Variants in PPFIA2 observed in about 807,000 individuals in gnomAD.
The protein encoded by PPFIA2 is liprin-alpha-2.
In PPFIA2, 46 loss-of-function variants were observed where a neutral mutation model predicts 175.5. The ratio of observed to expected loss-of-function variants is 0.26; its 90% CI spans 0.21 to 0.34. PPFIA2 has a LOEUF of 0.34. PPFIA2 is among the 10% of genes least tolerant of loss of function. The pLI, the probability that PPFIA2 is intolerant of heterozygous loss-of-function variation, is 1.00. For synonymous variants in PPFIA2, 568 were observed against 511.4 expected (o/e 1.11, Z -1.49); for missense variants, 1,179 against 1,506.1 (o/e 0.78, Z 3.60).
intron 4 of PPFIA2, among the ~76,000 whole-genome samples, chr12:81,514,572 G>A (rs925366443): frequency 6.6e-6 from 1 of 151,794 alleles, no homozygotes; most frequent in African/African-American, 2.4e-5. Context: ...GTCTTATACT[G>A]TATCCACATG....
At chr12:81,476,522 A>G (rs1402767240) in intron 4 of PPFIA2, among the ~76,000 whole-genome samples, 1 of 152,238 alleles carries the variant, frequency 6.6e-6, no homozygotes, top group Non-Finnish European at 1.5e-5. Flanking sequence ...GAAAAATACA[A>G]TAAATCTATA....
intron 4 of PPFIA2, among the ~76,000 whole-genome samples, chr12:81,620,965 G>A (rs1415863323): frequency 6.6e-6 from 1 of 152,156 alleles, no homozygotes. Context: ...AAAGCTATAT[G>A]AATTGGTGTG....
rs3075480 is a variant in PPFIA2 at position 81,688,802 on chromosome 12, A to AATATATATATATATATAT, written c.250-11976_250-11959dup. On this transcript the variant is annotated intron_variant, in intron 3 of 32. Coordinates refer to ENST00000549396, the MANE Select transcript of PPFIA2 (RefSeq NM_003625.5). ...CAAAAACAGGGCAAGTGGTTTATTAAATATATATATATATATATATATCTG... is the reference window on the plus strand; with the variant it reads ...CAAAAACAGGGCAAGTGGTTTATTAAATATATATATATATATATATATATATATATATATATATATCTG... Among the ~76,000 whole-genome samples, 977 of 140,602 alleles carry AATATATATATATATATAT rather than the reference A, an allele frequency of 6.9e-3. 7 individuals carry two copies. Among genetic ancestry groups the AATATATATATATATATAT allele is most frequent in the Middle Eastern group, 0.011 (3 of 272 alleles). The allele number at this position is 140,602 out of a possible 152,430, so 92.2% of individuals were successfully genotyped here.
At chr12:81,542,211 G>A (rs1254984928) in intron 4 of PPFIA2, among the ~76,000 whole-genome samples, 4 of 151,990 alleles carry the variant, frequency 2.6e-5, no homozygotes, top group African/African-American at 4.8e-5. Flanking sequence ...CAGATGAGCA[G>A]GCAATGAGAC....
chr12:81,312,093 T>C (rs1006819992), intron 22 of PPFIA2: 1 of 1,489,448 alleles, frequency 6.7e-7, no homozygotes, highest in African/African-American at 1.4e-5. Flanking sequence ...AGTAATACTC[T>C]GAAAAAAGAA....
chr12:81,311,194 G>T (rs2050684368), intron 22 of PPFIA2, among the ~76,000 whole-genome samples: 1 of 152,114 alleles, frequency 6.6e-6, no homozygotes, highest in African/African-American at 2.4e-5. Flanking sequence ...TTAGCTCAAA[G>T]AAAAGGATTT....
chr12:81,567,117 G>A (rs2071495951), intron 4 of PPFIA2, among the ~76,000 whole-genome samples: 2 of 152,166 alleles, frequency 1.3e-5, no homozygotes, highest in Admixed American at 1.3e-4. Flanking sequence ...CGCAATCTCG[G>A]CTCACTGCAA....
chr12:81,723,228 C>T (rs1227753856), intron 3 of PPFIA2, among the ~76,000 whole-genome samples: 1 of 151,036 alleles, frequency 6.6e-6, no homozygotes, highest in East Asian at 1.9e-4. Context: ...AAAATGCTAA[C>T]TAGTTCACTG....
chr12:81,598,463 G>T, intron 4 of PPFIA2: 1 of 776,836 alleles, frequency 1.3e-6, no homozygotes. Flanking sequence ...TTTCAGGGAA[G>T]CATGCACAGT....
intron 4 of PPFIA2, among the ~76,000 whole-genome samples, chr12:81,486,241 G>A (rs754760998): frequency 2.6e-5 from 4 of 151,906 alleles, no homozygotes; most frequent in East Asian, 1.9e-4. Context: ...GGCACAAAGA[G>A]TTTAAGTGAT....
chr12:81,581,286 T>C (rs1401329788), intron 4 of PPFIA2, among the ~76,000 whole-genome samples: 1 of 151,582 alleles, frequency 6.6e-6, no homozygotes, highest in African/African-American at 2.4e-5. Context: ...GATCACAGCA[T>C]ATACATGATT....
chr12:81,325,903 T>G, intron 21 of PPFIA2, 33 bp from the exon 22 acceptor site: 4 of 1,449,266 alleles, frequency 2.8e-6, no homozygotes, highest in Non-Finnish European at 2.9e-6. Flanking sequence ...ATTCAGATTA[T>G]GTTGCATAGG....
intron 4 of PPFIA2, among the ~76,000 whole-genome samples, chr12:81,575,223 A>C (rs184469137): frequency 5.9e-5 from 9 of 151,960 alleles, no homozygotes; most frequent in African/African-American, 2.2e-4. Flanking sequence ...AGTTTCTGAA[A>C]GTGAAGATAT....
chr12:81,580,091 ATAT>A (rs2074172009), intron 4 of PPFIA2, among the ~76,000 whole-genome samples: 1 of 151,898 alleles, frequency 6.6e-6, no homozygotes, highest in Non-Finnish European at 1.5e-5. Context: ...ACAATTAATT[ATAT>A]TATTAAGGAA....
chr12:81,545,260 TTAAATA>T (rs1454720973), intron 4 of PPFIA2: 4 of 152,192 alleles, frequency 2.6e-5, no homozygotes, highest in African/African-American at 7.2e-5. Context: ...TGCACTTTCT[TTAAATA>T]TAAAGTGAAG....
chr12:81,295,101 C>T, intron 23 of PPFIA2, 66 bp from the exon 24 acceptor site: 1 of 1,427,000 alleles, frequency 7.0e-7, no homozygotes, highest in East Asian at 2.5e-5. Flanking sequence ...GTCTCATATG[C>T]TAGGAATTAT....
At chr12:81,539,472 C>A (rs539381634) in intron 4 of PPFIA2, among the ~76,000 whole-genome samples, 1 of 152,042 alleles carries the variant, frequency 6.6e-6, no homozygotes, top group Admixed American at 6.6e-5. Context: ...AGGAGTAAAA[C>A]TTGATGTGGT....
chr12:81,324,026 T>C (rs2054226762), intron 22 of PPFIA2, among the ~76,000 whole-genome samples: 1 of 152,074 alleles, frequency 6.6e-6, no homozygotes, highest in South Asian at 2.1e-4. Context: ...TTATAGAATG[T>C]TCTTAATATT....
At chr12:81,353,692 C>G (rs1289754336) in intron 16 of PPFIA2, among the ~76,000 whole-genome samples, 1 of 152,134 alleles carries the variant, frequency 6.6e-6, no homozygotes, top group Admixed American at 6.5e-5. Flanking sequence ...CTCAAGCACT[C>G]ACGACTTAAA....
Sources: gnomAD v4.1 joint callset for allele counts (sites outside exome capture counted in the v4.1 genomes callset) on GRCh38, gnomAD v4.1.1 for gene constraint, MANE v1.5 for transcripts, NCBI Gene and HGNC (gene_info 2026-07-23, HGNC 2026-07-21) for gene names.